Variants in WIPI2 observed in about 807,000 individuals in gnomAD.
WIPI2 encodes the protein WD repeat domain phosphoinositide-interacting protein 2.
Under a neutral mutation model 52.3 loss-of-function variants are expected in WIPI2, and 28 were observed. The observed-to-expected ratio is 0.54, with a 90% CI of 0.40 to 0.73. WIPI2 has a LOEUF of 0.73. Among genes scored for constraint, WIPI2 ranks in the 30% least tolerant of loss-of-function variants. WIPI2 has a pLI of 0.00. For missense variants in WIPI2, 506 were observed against 602.9 expected (o/e 0.84, Z 1.68); for synonymous variants, 268 against 245.0 (o/e 1.09, Z -0.88).
chr7:5,195,139 AAT>A (rs1781684633), intron 2 of WIPI2, among the ~76,000 whole-genome samples: 1 of 152,218 alleles, frequency 6.6e-6, no homozygotes, highest in African/African-American at 2.4e-5. Context: ...GGATTGAGCC[AAT>A]ACATATTTTT....
rs776982912 is a variant in WIPI2 at position 5,199,674 on chromosome 7, AT to A, written c.211+21del. On this transcript the variant is annotated intron_variant, in intron 3 of 12. Transcript: ENST00000288828. ...TATGAATGCAGTAAGTGTTTGCTTT[AT>A]TTTTCCCCTTCTTAAAAAAAAAAAA... The A allele has an allele frequency of 2.0e-6, 3 of 1,536,108 alleles. No homozygotes were observed. The South Asian group carries it at 3.7e-5, about 19-fold the overall frequency.
In WIPI2 at chr7:5,222,646, C is replaced by G. The variant is rs1402080779; in HGVS notation, c.714C>G (p.Leu238=). The change falls in exon 8 of 13, where the codon CTC becomes CTG. Residue 238 remains leucine (L), a synonymous_variant. Transcript: ENST00000288828. ...RVFSIPEGQK[L]FEFRRGVKRC... Reference sequence around the variant, plus strand: ...TTTCCATTCCAGAAGGACAAAAACTCTTTGAGTTTCGGAGAGGAGTAAAGA... The same window carrying G: ...TTTCCATTCCAGAAGGACAAAAACTGTTTGAGTTTCGGAGAGGAGTAAAGA... The G allele has an allele frequency of 3.1e-6, 5 of 1,613,916 alleles. No homozygotes were observed.
rs779847778 is a variant in WIPI2, at chr7:5,199,704, AGTT to A, written c.211+49_211+51del. Reference sequence around the variant, plus strand: ...TCCCCTTCTTAAAAAAAAAAAAAAAAGTTGTACTTGAATTGGAATGCGATCTAA... The same window carrying A: ...TCCCCTTCTTAAAAAAAAAAAAAAAAGTACTTGAATTGGAATGCGATCTAA... On this transcript the variant is annotated intron_variant, in intron 3 of 12. Transcript: ENST00000288828. 126 of 1,445,488 alleles carry A rather than the reference AGTT, an allele frequency of 8.7e-5. No individual in the cohort carries two copies. The Middle Eastern group carries it at 2.5e-3, about 29-fold the overall frequency. The allele number at this position is 1,445,488 out of a possible 1,614,324, so 89.5% of individuals were successfully genotyped here. A position where few individuals can be genotyped will look rare whatever the true frequency, so the allele number is the denominator to read the frequency against.
chr7:5,212,342 C>T (rs1301869692), intron 3 of WIPI2, among the ~76,000 whole-genome samples: 1 of 152,150 alleles, frequency 6.6e-6, no homozygotes, highest in Non-Finnish European at 1.5e-5. Context: ...TGCAACCGGG[C>T]CAGTGCGTGC....
intron 7 of WIPI2, 53 bp downstream of exon 7, chr7:5,218,067 T>C: frequency 1.3e-6 from 2 of 1,588,778 alleles, no homozygotes; most frequent in Non-Finnish European, 1.7e-6. Context: ...CCACAGACTT[T>C]TTCAGTTCTG....
rs929820574 is a variant in WIPI2, at chr7:5,232,951, C to T, written c.*2004C>T. ...AAGATGCTGGGAATTGTCTTCCTCGCTCAGCCTCGGCTTCCCGCACTGTAA... is the reference window on the plus strand; with the variant it reads ...AAGATGCTGGGAATTGTCTTCCTCGTTCAGCCTCGGCTTCCCGCACTGTAA... On this transcript the variant is annotated 3_prime_UTR_variant, in exon 13 of 13. Transcript: ENST00000288828. The T allele has an allele frequency of 6.6e-6, 1 of 152,266 alleles. No individual in the cohort carries two copies. The highest frequency in any genetic ancestry group is 2.4e-5 in the African/African-American group (1 of 41,460). The allele number at this position is 152,266 out of a possible 1,614,324, so 9.4% of individuals were successfully genotyped here. A position where few individuals can be genotyped will look rare whatever the true frequency, so the allele number is the denominator to read the frequency against.
chr7:5,217,232 T>C lies in WIPI2; in HGVS notation c.576+45T>C, dbSNP rs1372439534. 7 of 1,602,318 alleles carry C rather than the reference T, an allele frequency of 4.4e-6. No homozygotes were observed. In the African/African-American group the frequency reaches 8.0e-5, roughly 18 times the overall value. On this transcript the variant is annotated intron_variant, in intron 6 of 12. Transcript: ENST00000288828. ...CGAATAGCTCTCTAAAGTGTGGCTT[T>C]TTCCTGAAGAGGAGCACTGTGGTGT...
chr7:5,198,307 C>T (rs1562385548), intron 2 of WIPI2, among the ~76,000 whole-genome samples: 1 of 151,486 alleles, frequency 6.6e-6, no homozygotes, highest in Non-Finnish European at 1.5e-5. Context: ...TTAGAAAATT[C>T]ACTTACTTAA....
intron 3 of WIPI2, among the ~76,000 whole-genome samples, chr7:5,207,276 A>G (rs187351117): frequency 2.0e-5 from 3 of 152,344 alleles, no homozygotes; most frequent in Admixed American, 2.0e-4. Flanking sequence ...AAGGTTTACC[A>G]TCACTCCAGA....
intron 1 of WIPI2, chr7:5,190,922 G>C (rs1781451374): frequency 6.2e-6 from 1 of 161,642 alleles, no homozygotes. Flanking sequence ...CTTTGAATCA[G>C]GCCCTTCTCC....
chr7:5,219,642 T>TA (rs1461148342), intron 7 of WIPI2, among the ~76,000 whole-genome samples: 3 of 152,232 alleles, frequency 2.0e-5, no homozygotes, highest in African/African-American at 4.8e-5. Flanking sequence ...AACTCTTAAT[T>TA]AATTAGTATT....
At chr7:5,223,761 G>T (rs1189033340) in intron 8 of WIPI2, among the ~76,000 whole-genome samples, 1 of 151,992 alleles carries the variant, frequency 6.6e-6, no homozygotes, top group Non-Finnish European at 1.5e-5. Context: ...CTGGCCCCTC[G>T]TCCCTCACAC....
chr7:5,195,524 A>T (rs1781705527), intron 2 of WIPI2, among the ~76,000 whole-genome samples: 1 of 152,214 alleles, frequency 6.6e-6, no homozygotes, highest in South Asian at 2.1e-4. Flanking sequence ...CACTCTGTTG[A>T]CTTAAAAATA....
chr7:5,197,111 C>CAAAAAAAAAAAA (rs1562384541), intron 2 of WIPI2, among the ~76,000 whole-genome samples: 1 of 56,428 alleles, frequency 1.8e-5, no homozygotes, highest in Non-Finnish European at 2.9e-5. Context: ...GACTCCGTCT[C>CAAAAAAAAAAAA]AAAAAACAAA....
At chr7:5,196,543 A>G (rs959789198) in intron 2 of WIPI2, among the ~76,000 whole-genome samples, 18 of 152,154 alleles carry the variant, frequency 1.2e-4, no homozygotes, top group African/African-American at 3.1e-4. Context: ...TCTGAACTTG[A>G]TTGGCAAAGT....
chr7:5,197,517 T>C (rs1430503738), intron 2 of WIPI2, among the ~76,000 whole-genome samples: 2 of 152,202 alleles, frequency 1.3e-5, no homozygotes, highest in African/African-American at 4.8e-5. Flanking sequence ...ACTAATTCAG[T>C]ATAGTAAAGA....
intron 8 of WIPI2, among the ~76,000 whole-genome samples, chr7:5,223,079 C>T (rs1433845863): frequency 6.6e-6 from 1 of 152,190 alleles, no homozygotes; most frequent in Non-Finnish European, 1.5e-5. Context: ...GCATTGGCCC[C>T]TTCTTTTAAC....
In WIPI2 at chr7:5,230,225, C is replaced by T. The variant is rs62441073; in HGVS notation, c.1252+487C>T. ...TCAGTCTTTTCCCTCCCACCTTTTT[C>T]GTCCTTCAGCAAATCTGCATCGAGT... On this transcript the variant is annotated intron_variant, in intron 12 of 12. Coordinates refer to ENST00000288828, the MANE Select transcript of WIPI2 (RefSeq NM_015610.4). The surrounding 1 kb of genome is among the most constrained non-coding windows in gnomAD (Gnocchi z 4.8). Among the ~76,000 whole-genome samples the T allele has an allele frequency of 2.8e-4, 43 of 152,252 alleles. No homozygotes were observed. The highest frequency in any genetic ancestry group is 5.1e-4 in the Non-Finnish European group (35 of 67,998).
chr7:5,216,142 C>T (rs940840010), intron 4 of WIPI2: 17 of 125,574 alleles, frequency 1.4e-4, no homozygotes, highest in Middle Eastern at 4.2e-3. Context: ...GTATCCTTGG[C>T]GCTTCTAACA....
Sources: gnomAD v4.1 joint callset for allele counts (sites outside exome capture counted in the v4.1 genomes callset) on GRCh38, gnomAD v4.1.1 for gene constraint, Gnocchi (gnomAD v3.1) non-coding constraint, MANE v1.5 for transcripts, NCBI Gene and HGNC (gene_info 2026-07-23, HGNC 2026-07-21) for gene names.